The following AGAP1 variants were observed in gnomAD, a reference collection of about 807,000 sequenced individuals.
The protein encoded by AGAP1 is arf-GAP with GTPase, ANK repeat and PH domain-containing protein 1.
A neutral mutation model predicts 105.3 loss-of-function variants in AGAP1; 29 were observed. That is an observed-to-expected ratio of 0.28 (90% CI 0.21 to 0.38). The LOEUF is 0.38. AGAP1 is among the 10% of genes least tolerant of loss of function. The pLI, the probability that AGAP1 is intolerant of heterozygous loss-of-function variation, is 1.00. For missense variants in AGAP1, 998 were observed against 1,165.1 expected, an observed-to-expected ratio of 0.86 and a Z score of 2.09; for synonymous variants, 509 against 485.9, an observed-to-expected ratio of 1.05 and a Z score of -0.63.
At chr2:235,540,506 C>T (rs1943401232) in intron 1 of AGAP1, among the ~76,000 whole-genome samples, 1 of 151,948 alleles carries the variant, frequency 6.6e-6, no homozygotes, top group African/African-American at 2.4e-5. Flanking sequence ...TTAATAGAAT[C>T]AAAAAAGAGA....
Position 235,551,565 on chromosome 2 carries a change from C to T in AGAP1, c.163+56716C>T, listed in dbSNP as rs945574084. On this transcript the variant is annotated intron_variant, in intron 1 of 17. Coordinates refer to ENST00000304032, the MANE Select transcript of AGAP1 (RefSeq NM_001037131.3). The surrounding 1 kb of genome is among the most constrained non-coding windows in gnomAD (Gnocchi z 4.8). ...ACACCTACCTCAGCCTCCCAAAGTG[C>T]TGGGATTATAGGCATCAACTACCAT... Among the ~76,000 whole-genome samples the T allele has an allele frequency of 6.6e-6, 1 of 152,158 alleles. No homozygotes were observed. The highest frequency in any genetic ancestry group is 2.4e-5 in the African/African-American group (1 of 41,428).
rs1955998573 is a variant in AGAP1, at chr2:235,777,843, T to C, written c.674-19916T>C. Among the ~76,000 whole-genome samples the C allele has an allele frequency of 6.6e-6, 1 of 152,212 alleles. No individual in the cohort carries two copies. Among genetic ancestry groups the C allele is most frequent in the African/African-American group, 2.4e-5 (1 of 41,454 alleles). ...TAGAACAAATATGGCAAAGGACTTG[T>C]ATTTATTGGATATTAGTGGGTTTAT... On this transcript the variant is annotated intron_variant, in intron 6 of 17. Coordinates refer to ENST00000304032, the MANE Select transcript of AGAP1 (RefSeq NM_001037131.3). This position sits in a 1 kb window ranked among gnomAD's most constrained non-coding sequence, Gnocchi z 5.1.
intron 1 of AGAP1, among the ~76,000 whole-genome samples, chr2:235,649,782 A>G (rs1947521520): frequency 1.3e-5 from 2 of 152,202 alleles, no homozygotes; most frequent in South Asian, 4.1e-4. Context: ...CGATACTGTA[A>G]TGTACAGTGC....
chr2:235,785,182 G>T (rs1345426153), intron 6 of AGAP1, among the ~76,000 whole-genome samples: 1 of 152,106 alleles, frequency 6.6e-6, no homozygotes, highest in Non-Finnish European at 1.5e-5. Context: ...ATTATTTCTG[G>T]AAATAGGAAA....
rs1949684277 is a variant in AGAP1, at chr2:235,690,416, T to C, written c.164-18763T>C. On this transcript the variant is annotated intron_variant, in intron 1 of 17. Coordinates refer to ENST00000304032, the MANE Select transcript of AGAP1 (RefSeq NM_001037131.3). This position sits in a 1 kb window ranked among gnomAD's most constrained non-coding sequence, Gnocchi z 4.1. Reference sequence around the variant, plus strand: ...TTGTGTTTCAAAGGCAGAGCTCACATTGGAGCACTTGATATTATGCATTTG... The same window carrying C: ...TTGTGTTTCAAAGGCAGAGCTCACACTGGAGCACTTGATATTATGCATTTG... Among the ~76,000 whole-genome samples, 1 of 152,128 alleles carries C rather than the reference T, an allele frequency of 6.6e-6. No individual in the cohort carries two copies. The highest frequency in any genetic ancestry group is 6.5e-5 in the Admixed American group (1 of 15,280).
rs1959248166 is a variant in AGAP1 at position 235,830,736 on chromosome 2, G to A, written c.1050+23405G>A. ...GCACTCCTAGTGTTCCTCACAGCAG[G>A]TGGAAAATGCATTTATAAGATATTT... On this transcript the variant is annotated intron_variant, in intron 9 of 17. Transcript: ENST00000304032. This position sits in a 1 kb window ranked among gnomAD's most constrained non-coding sequence, Gnocchi z 5.5. Among the ~76,000 whole-genome samples the A allele has an allele frequency of 6.6e-6, 1 of 152,184 alleles. No homozygotes were observed. Among genetic ancestry groups the A allele is most frequent in the South Asian group, 2.1e-4 (1 of 4,824 alleles).
In AGAP1 at chr2:236,050,280, T is replaced by A. The variant is rs2057856914; in HGVS notation, c.2114+999T>A. 6.6e-6 allele frequency among the ~76,000 whole-genome samples: 1 copy of A among 152,176 alleles called. No homozygotes were observed. The highest frequency in any genetic ancestry group is 1.5e-5 in the Non-Finnish European group (1 of 68,032). ...ACTTCAGTTCATTAACACTGAAAAATGAATTTGTGGTGCCACCTTTGGCTC... is the reference window on the plus strand; with the variant it reads ...ACTTCAGTTCATTAACACTGAAAAAAGAATTTGTGGTGCCACCTTTGGCTC... On this transcript the variant is annotated intron_variant, in intron 16 of 17. Coordinates refer to ENST00000304032, the MANE Select transcript of AGAP1 (RefSeq NM_001037131.3). The surrounding 1 kb of genome is among the most constrained non-coding windows in gnomAD (Gnocchi z 4.0).
At chr2:235,858,894 C>T (rs1559572189) in intron 9 of AGAP1, among the ~76,000 whole-genome samples, 1 of 152,216 alleles carries the variant, frequency 6.6e-6, no homozygotes, top group Non-Finnish European at 1.5e-5. Flanking sequence ...CTCATAAATA[C>T]TGCCAGTCTT....
chr2:235,686,661 ATATATT>A (rs1559351265), intron 1 of AGAP1, among the ~76,000 whole-genome samples: 9 of 48,436 alleles, frequency 1.9e-4, no homozygotes, highest in African/African-American at 1.1e-3. Flanking sequence ...ATATATATAT[ATATATT>A]TTTTTTTTTT....
chr2:235,815,439 T>G (rs1244445835), intron 9 of AGAP1, among the ~76,000 whole-genome samples: 1 of 152,206 alleles, frequency 6.6e-6, no homozygotes, highest in African/African-American at 2.4e-5. Flanking sequence ...CTGTACGTCA[T>G]TTAACCTTGT....
intron 5 of AGAP1, among the ~76,000 whole-genome samples, chr2:235,745,901 G>T (rs1952891255): frequency 6.6e-6 from 1 of 152,248 alleles, no homozygotes; most frequent in African/African-American, 2.4e-5. Context: ...GCCCAGGCAG[G>T]TGGGATCAGT....
chr2:235,748,422 T>TAA lies in AGAP1; in HGVS notation c.539-1923_539-1922dup, dbSNP rs552360699. 5.0e-3 allele frequency among the ~76,000 whole-genome samples: 746 copies of TAA among 149,662 alleles called. 7 individuals carry two copies. The highest frequency in any genetic ancestry group is 0.021 in the East Asian group (107 of 5,132). On this transcript the variant is annotated intron_variant, in intron 5 of 17. Coordinates refer to ENST00000304032, the MANE Select transcript of AGAP1 (RefSeq NM_001037131.3). ...ACAATTAAAAAGAAATGTTTATACT[T>TAA]AAAAAAAAAACTTTCTTTTCTTAAA...
intron 6 of AGAP1, among the ~76,000 whole-genome samples, chr2:235,755,398 G>A (rs561070188): frequency 2.6e-5 from 4 of 152,268 alleles, no homozygotes; most frequent in African/African-American, 9.6e-5. Flanking sequence ...GAAAAATAAA[G>A]TTCATTCCAT....
At chr2:235,679,132 T>C (rs1300359055) in intron 1 of AGAP1, among the ~76,000 whole-genome samples, 1 of 152,172 alleles carries the variant, frequency 6.6e-6, no homozygotes, top group Non-Finnish European at 1.5e-5. Flanking sequence ...GTGTCTTGAT[T>C]TGGTGGAGTG....
At chr2:235,669,839 C>G (rs1191807592) in intron 1 of AGAP1, 1 of 147,954 alleles carries the variant, frequency 6.8e-6, no homozygotes, top group Non-Finnish European at 1.5e-5. Flanking sequence ...CCGGCGAGAG[C>G]GCTCTAGCGC....
Position 236,045,352 on chromosome 2 carries a change from G to T in AGAP1, c.1892-3707G>T, listed in dbSNP as rs867782230. ...GTGTGTTAATATTGGTTGAATACGTGAAGGAACAGATGTAATTACAGCCAA... is the reference window on the plus strand; with the variant it reads ...GTGTGTTAATATTGGTTGAATACGTTAAGGAACAGATGTAATTACAGCCAA... On this transcript the variant is annotated intron_variant, in intron 15 of 17. Coordinates refer to ENST00000304032, the MANE Select transcript of AGAP1 (RefSeq NM_001037131.3). The surrounding 1 kb of genome is among the most constrained non-coding windows in gnomAD (Gnocchi z 6.9). 1.3e-5 allele frequency among the ~76,000 whole-genome samples: 2 copies of T among 152,218 alleles called. No homozygotes were observed. The highest frequency in any genetic ancestry group is 4.8e-5 in the African/African-American group (2 of 41,454).
In AGAP1 at chr2:235,625,870, T is replaced by C. The variant is rs1170137123; in HGVS notation, c.164-83309T>C. 6.6e-6 allele frequency among the ~76,000 whole-genome samples: 1 copy of C among 152,230 alleles called. No individual in the cohort carries two copies. The highest frequency in any genetic ancestry group is 1.5e-5 in the Non-Finnish European group (1 of 68,034). ...GCATCTGGAAAGCATTGTGACAACATGTGACCAAGTATTAAAAATGTTCTC... is the reference window on the plus strand; with the variant it reads ...GCATCTGGAAAGCATTGTGACAACACGTGACCAAGTATTAAAAATGTTCTC... On this transcript the variant is annotated intron_variant, in intron 1 of 17. Transcript: ENST00000304032. This position sits in a 1 kb window ranked among gnomAD's most constrained non-coding sequence, Gnocchi z 4.0.
At chr2:235,544,580 G>C (rs1035616667) in intron 1 of AGAP1, among the ~76,000 whole-genome samples, 1 of 152,192 alleles carries the variant, frequency 6.6e-6, no homozygotes, top group African/African-American at 2.4e-5. Flanking sequence ...TATTATGCAC[G>C]AAGTCATCCA....
rs569520244 is a variant in AGAP1 at position 235,601,374 on chromosome 2, C to T, written c.163+106525C>T. Among the ~76,000 whole-genome samples the T allele has an allele frequency of 1.2e-4, 19 of 152,230 alleles. No individual in the cohort carries two copies. Among genetic ancestry groups the T allele is most frequent in the African/African-American group, 2.9e-4 (12 of 41,548 alleles). The stretch of plus-strand genomic sequence containing the variant: ...AACACCAGTTGTATTAGTCTGTTGT[C>T]GTGCTGCTAATAAGCACATACCTGA... On this transcript the variant is annotated intron_variant, in intron 1 of 17. Transcript: ENST00000304032. The surrounding 1 kb of genome is among the most constrained non-coding windows in gnomAD (Gnocchi z 4.4).
Sources: allele counts gnomAD v4.1 joint callset (sites outside exome capture counted in the v4.1 genomes callset), GRCh38; gene constraint gnomAD v4.1.1; non-coding constraint Gnocchi (gnomAD v3.1); transcripts MANE v1.5; gene names NCBI Gene and HGNC (gene_info 2026-07-23, HGNC 2026-07-21).